Variants in HMGA2 observed in about 807,000 individuals in gnomAD.
HMGA2 encodes high mobility group AT-hook 2.
A neutral mutation model predicts 19.1 loss-of-function variants in HMGA2; 8 were observed. The ratio of observed to expected loss-of-function variants is 0.42; its 90% CI spans 0.25 to 0.76. The LOEUF (loss-of-function observed/expected upper bound fraction) is 0.76. Among genes scored for constraint, HMGA2 ranks in the 30% least tolerant of loss-of-function variants. The pLI is 0.28. For missense variants in HMGA2, 109 were observed against 136.3 expected (o/e 0.80, Z 1.00); for synonymous variants, 60 against 48.8 (o/e 1.23, Z -0.96).
intron 3 of HMGA2, chr12:65,881,752 A>G (rs1265969174): frequency 1.4e-6 from 1 of 703,056 alleles, no homozygotes; most frequent in Non-Finnish European, 2.6e-6. Context: ...GTGGTTGCTA[A>G]TGAAGAGCCC....
intron 3 of HMGA2, among the ~76,000 whole-genome samples, chr12:65,920,488 TC>T (rs1310169285): frequency 6.6e-6 from 1 of 152,158 alleles, no homozygotes; most frequent in Admixed American, 6.5e-5. Flanking sequence ...TTTGCCTGTG[TC>T]CCCACCCAAA....
intron 3 of HMGA2, among the ~76,000 whole-genome samples, chr12:65,862,060 G>C (rs1313761517): frequency 6.6e-6 from 1 of 151,854 alleles, no homozygotes; most frequent in Non-Finnish European, 1.5e-5. Context: ...GATCAGGCTG[G>C]TCTTAGTCTT....
At chr12:65,930,081 C>T (rs1250693329) in intron 3 of HMGA2, among the ~76,000 whole-genome samples, 2 of 152,030 alleles carry the variant, frequency 1.3e-5, no homozygotes, top group Non-Finnish European at 2.9e-5. Flanking sequence ...TATTGTAAGC[C>T]CCAGTATAGT....
intron 4 of HMGA2, chr12:65,954,215 C>A (rs1010537428): frequency 6.6e-6 from 1 of 152,194 alleles, no homozygotes; most frequent in African/African-American, 2.4e-5. Context: ...TTATTACATT[C>A]TGACTTATTT....
In HMGA2 at chr12:65,951,393, T is replaced by C. The variant is rs1176973487; in HGVS notation, c.260T>C (p.Val87Ala). 4 of 1,529,150 alleles carry C rather than the reference T, an allele frequency of 2.6e-6. No homozygotes were observed. In the South Asian group the frequency reaches 3.7e-5, roughly 14 times the overall value. 94.7% of individuals were successfully genotyped at this position (1,529,150 alleles called of 1,614,324 possible). ...TCTTTTCCTCCTTAGCCACAACAAG[T>C]TGTTCAGAAGAAGCCTGCTCAGGTA... ...RGRPRKWPQQ[V>A]VQKKPAQEET... is the part of the protein sequence containing the mutation. The change falls in exon 4 of 5, where the codon GTT (valine) becomes GCT (alanine). Residue 87 changes from valine to alanine, a missense_variant. Transcript: ENST00000403681.
chr12:65,915,742 G>T (rs534544136), intron 3 of HMGA2, among the ~76,000 whole-genome samples: 1 of 152,044 alleles, frequency 6.6e-6, no homozygotes, highest in Admixed American at 6.6e-5. Flanking sequence ...TTGTTTTGTG[G>T]AGTTACTCTT....
intron 3 of HMGA2, among the ~76,000 whole-genome samples, chr12:65,899,634 C>G (rs1874291525): frequency 6.6e-6 from 1 of 152,234 alleles, no homozygotes; most frequent in East Asian, 1.9e-4. Flanking sequence ...AAAAGCCTAA[C>G]TCACTCTAGA....
chr12:65,898,243 AG>A (rs754211796), intron 3 of HMGA2, among the ~76,000 whole-genome samples: 2 of 152,186 alleles, frequency 1.3e-5, no homozygotes, highest in African/African-American at 2.4e-5. Context: ...GATGGGAAAA[AG>A]TTTGAGGAGA....
chr12:65,829,955 AT>A (rs886749330), intron 2 of HMGA2, among the ~76,000 whole-genome samples: 2 of 151,958 alleles, frequency 1.3e-5, no homozygotes, highest in African/African-American at 4.8e-5. Context: ...CTTTCTGAAA[AT>A]TCTTCATGTG....
chr12:65,929,011 C>T (rs566988908), intron 3 of HMGA2, among the ~76,000 whole-genome samples: 6 of 152,060 alleles, frequency 3.9e-5, no homozygotes, highest in Non-Finnish European at 8.8e-5. Context: ...TTTTTTCTAA[C>T]CTTCTTACCA....
In HMGA2 at chr12:65,932,536, T is replaced by C. The variant is rs1039081314; in HGVS notation, c.250-18847T>C. 7.2e-5 allele frequency among the ~76,000 whole-genome samples: 11 copies of C among 152,288 alleles called. No homozygotes were observed. In the East Asian group the frequency reaches 1.9e-3, roughly 27 times the overall value. On this transcript the variant is annotated intron_variant, in intron 3 of 4. Coordinates refer to ENST00000403681, the MANE Select transcript of HMGA2 (RefSeq NM_003483.6). ...ATGTATGTTGAATAAATGAAAAAAA[T>C]AAATGAATAAACAAGTTCAATGGAT...
intron 3 of HMGA2, chr12:65,935,094 T>A (rs1875846369): frequency 6.6e-6 from 1 of 152,208 alleles, no homozygotes; most frequent in Admixed American, 6.5e-5. Context: ...AGCGCCTGTA[T>A]GGCTTTGCAT....
intron 3 of HMGA2, among the ~76,000 whole-genome samples, chr12:65,933,021 A>G (rs950224632): frequency 1.3e-5 from 2 of 152,102 alleles, no homozygotes; most frequent in Non-Finnish European, 2.9e-5. Context: ...CCTCTGTCCT[A>G]TATATGCTAA....
At chr12:65,960,360 C>T (rs965522932) in intron 4 of HMGA2, among the ~76,000 whole-genome samples, 19 of 152,282 alleles carry the variant, frequency 1.2e-4, no homozygotes, top group Middle Eastern at 3.4e-3. Flanking sequence ...TAAGTCTGGC[C>T]GAACCATGAC....
At position 65,841,008 on chromosome 12, in the gene HMGA2, C is replaced by A. The variant is rs12580694; in HGVS notation, c.249+2439C>A. 1.3e-3 allele frequency among the ~76,000 whole-genome samples: 192 copies of A among 152,248 alleles called. 2 individuals are homozygous for A. The East Asian group carries it at 0.03, about 23-fold the overall frequency. ...TTCCTATGGCTCCACATCTGGCCAG[C>A]TAGTTAATTACAGCCTGCCCTAGTA... On this transcript the variant is annotated intron_variant, in intron 3 of 4. Coordinates refer to ENST00000403681, the MANE Select transcript of HMGA2 (RefSeq NM_003483.6).
At chr12:65,924,814 T>G (rs1875447978) in intron 3 of HMGA2, among the ~76,000 whole-genome samples, 1 of 151,998 alleles carries the variant, frequency 6.6e-6, no homozygotes, top group Non-Finnish European at 1.5e-5. Context: ...ACAAAAAAAG[T>G]AATTGTGAAG....
chr12:65,841,984 C>A, intron 3 of HMGA2: 2 of 918,784 alleles, frequency 2.2e-6, no homozygotes, highest in Admixed American at 3.7e-5. Context: ...ACTTTAATTC[C>A]CTTCATCTTT....
intron 3 of HMGA2, among the ~76,000 whole-genome samples, chr12:65,918,083 C>G (rs1875173876): frequency 3.9e-5 from 6 of 152,332 alleles, no homozygotes; most frequent in Admixed American, 1.3e-4. Flanking sequence ...CCCTCTCTCT[C>G]AAAGACCCTC....
At chr12:65,900,759 T>G (rs1874339912) in intron 3 of HMGA2, among the ~76,000 whole-genome samples, 1 of 152,196 alleles carries the variant, frequency 6.6e-6, no homozygotes, top group South Asian at 2.1e-4. Flanking sequence ...TAAAGCTAAA[T>G]ATACCCAAAC....
Sources: gnomAD v4.1 joint callset for allele counts (sites outside exome capture counted in the v4.1 genomes callset) on GRCh38, gnomAD v4.1.1 for gene constraint, MANE v1.5 for transcripts, NCBI Gene and HGNC (gene_info 2026-07-23, HGNC 2026-07-21) for gene names.